The following CNTNAP3B variants were observed in gnomAD, a reference collection of about 807,000 sequenced individuals.
CNTNAP3B encodes the protein contactin-associated protein-like 3B.
CNTNAP3B carries 25 observed loss-of-function variants against 108.9 expected under a neutral mutation model. The ratio of observed to expected loss-of-function variants is 0.23; its 90% CI spans 0.17 to 0.32. The LOEUF is 0.32. Among genes scored for constraint, CNTNAP3B ranks in the 10% least tolerant of loss-of-function variants. The pLI is 1.00. For missense variants in CNTNAP3B, 252 were observed against 1,210.4 expected, an observed-to-expected ratio of 0.21 and a Z score of 11.75; for synonymous variants, 103 against 473.4, an observed-to-expected ratio of 0.22 and a Z score of 10.16.
At position 42,095,712 on chromosome 9, in the gene CNTNAP3B, G is replaced by A. The variant is rs551651353; in HGVS notation, c.196+8917C>T. 5.7e-4 allele frequency among the ~76,000 whole-genome samples: 80 copies of A among 139,238 alleles called. 13 individuals are homozygous for A. The highest frequency in any genetic ancestry group is 3.5e-3 in the Middle Eastern group (1 of 288). 91.3% of individuals were successfully genotyped at this position (139,238 alleles called of 152,430 possible). ...GGAAGTAGTCACAACAGGTGTCTCCGTCCAGTTAAGGGATAAGCCTGTCAG... is the reference window on the plus strand; with the variant it reads ...GGAAGTAGTCACAACAGGTGTCTCCATCCAGTTAAGGGATAAGCCTGTCAG... On this transcript the variant is annotated intron_variant, in intron 2 of 23. Transcript: ENST00000377561.
chr9:42,037,126 A>G (rs1257619107), intron 3 of CNTNAP3B, among the ~76,000 whole-genome samples: 1 of 147,744 alleles, frequency 6.8e-6, no homozygotes. Flanking sequence ...GAAAATTCTA[A>G]AAATCAGAGC....
chr9:41,952,464 G>C (rs1290996784), intron 13 of CNTNAP3B, among the ~76,000 whole-genome samples: 2 of 152,236 alleles, frequency 1.3e-5, no homozygotes, highest in African/African-American at 4.8e-5. Flanking sequence ...GCAATAAAGT[G>C]CTTTCAAGAA....
chr9:41,969,407 CAT>C, intron 10 of CNTNAP3B, among the ~76,000 whole-genome samples: 3 of 147,596 alleles, frequency 2.0e-5, no homozygotes, highest in African/African-American at 5.1e-5. Flanking sequence ...CTCTGCAGAA[CAT>C]GTGGGGTTGG....
intron 13 of CNTNAP3B, among the ~76,000 whole-genome samples, chr9:41,942,555 C>A (rs60378131): frequency 6.7e-6 from 1 of 148,174 alleles, no homozygotes; most frequent in East Asian, 2.0e-4. Flanking sequence ...AGCTTGCAGT[C>A]AGCTGAGATG....
At chr9:42,041,782 T>G (rs1236424206) in intron 3 of CNTNAP3B, among the ~76,000 whole-genome samples, 1 of 139,192 alleles carries the variant, frequency 7.2e-6, no homozygotes, top group East Asian at 2.2e-4. Context: ...TAAAGACACA[T>G]GCACGTGTGT....
At chr9:42,058,400 A>G (rs1346410604) in intron 3 of CNTNAP3B, among the ~76,000 whole-genome samples, 1 of 148,320 alleles carries the variant, frequency 6.7e-6, no homozygotes, top group African/African-American at 2.5e-5. Flanking sequence ...TTTTGATAAT[A>G]ACCATTCTAA....
In CNTNAP3B at chr9:42,019,716, G is replaced by C. The variant is rs1459903197; in HGVS notation, c.391-6191C>G. Among the ~76,000 whole-genome samples, 17 of 147,640 alleles carry C rather than the reference G, an allele frequency of 1.2e-4. 1 individual carries two copies. The highest frequency in any genetic ancestry group is 4.4e-4 in the African/African-American group (17 of 38,816). On this transcript the variant is annotated intron_variant, in intron 3 of 23. Coordinates refer to ENST00000377561, the MANE Select transcript of CNTNAP3B (RefSeq NM_001201380.3). ...GTGGAGGTTGCAGTGAGCCAAGATT[G>C]CACCACTGCACTCCAGCCTTGGTGA...
chr9:42,103,418 T>TAA (rs1156658774), intron 2 of CNTNAP3B, among the ~76,000 whole-genome samples: 8,910 of 47,058 alleles, frequency 0.19, 696 homozygotes, highest in African/African-American at 0.23. Context: ...AACAGGGAGT[T>TAA]AAAAAAAAAA....
rs1825885396 is a variant in CNTNAP3B, at chr9:41,995,755, G to T, written c.1071+450C>A. On this transcript the variant is annotated intron_variant, in intron 7 of 23. Coordinates refer to ENST00000377561, the MANE Select transcript of CNTNAP3B (RefSeq NM_001201380.3). ...CAAAAAAAAAAAAAAAAAAAAATTG[G>T]CCAGGCCCGGTGGCTCACACCTGTA... Among the ~76,000 whole-genome samples the T allele has an allele frequency of 1.5e-5, 2 of 129,834 alleles. 1 individual carries two copies. The highest frequency in any genetic ancestry group is 3.2e-5 in the Non-Finnish European group (2 of 61,932). The allele number at this position is 129,834 out of a possible 152,430, so 85.2% of individuals were successfully genotyped here. A position where few individuals can be genotyped will look rare whatever the true frequency, so the allele number is the denominator to read the frequency against.
rs1429811652 is a variant in CNTNAP3B, at chr9:41,933,713, T to A, written c.2238-4269A>T. Among the ~76,000 whole-genome samples the A allele has an allele frequency of 1.2e-4, 18 of 152,386 alleles. No homozygotes were observed. The South Asian group carries it at 3.3e-3, about 28-fold the overall frequency. ...GTAGGCAATCATATTATCTACAATA[T>A]CTGCCAGGTTTGTTTCTTTTCCAAA... On this transcript the variant is annotated intron_variant, in intron 14 of 23. Transcript: ENST00000377561.
chr9:42,053,886 A>G (rs1472977807), intron 3 of CNTNAP3B, among the ~76,000 whole-genome samples: 1 of 146,882 alleles, frequency 6.8e-6, no homozygotes, highest in Non-Finnish European at 1.5e-5. Context: ...CTTTCTTCAC[A>G]AGGTTTACCC....
rs1825445446 is a variant in CNTNAP3B at position 41,972,831 on chromosome 9, T to A, written c.1478-2586A>T. 1.5e-5 allele frequency among the ~76,000 whole-genome samples: 2 copies of A among 137,870 alleles called. 1 individual carries two copies. Among genetic ancestry groups the A allele is most frequent in the Non-Finnish European group, 3.1e-5 (2 of 64,568 alleles). The allele number at this position is 137,870 out of a possible 152,430, so 90.4% of individuals were successfully genotyped here. On this transcript the variant is annotated intron_variant, in intron 9 of 23. Coordinates refer to ENST00000377561, the MANE Select transcript of CNTNAP3B (RefSeq NM_001201380.3). ...TAAACACATTAAGAATTAAGAGGAT[T>A]ATTAATTCAATAAATATTTTCCAGT...
chr9:41,921,371 G>A (rs1434994384), intron 17 of CNTNAP3B, among the ~76,000 whole-genome samples: 678 of 150,184 alleles, frequency 4.5e-3, no homozygotes, highest in Middle Eastern at 6.8e-3. Context: ...AGCTAACCAC[G>A]CCTGAAGCTA....
chr9:42,125,731 C>T (rs1484579184), intron 1 of CNTNAP3B, among the ~76,000 whole-genome samples: 1 of 126,648 alleles, frequency 7.9e-6, no homozygotes, highest in Non-Finnish European at 1.6e-5. Flanking sequence ...AGTGCAGTGG[C>T]ACGATCTCAG....
chr9:41,962,783 G>A (rs1194628321), intron 11 of CNTNAP3B, among the ~76,000 whole-genome samples: 22 of 152,214 alleles, frequency 1.4e-4, no homozygotes, highest in Admixed American at 3.9e-4. Context: ...GCAAAACCCC[G>A]TCTCTACTAA....
At chr9:41,996,101 C>A (rs1236533538) in intron 7 of CNTNAP3B, 104 bp downstream of exon 7, 1 of 511,054 alleles carries the variant, frequency 2.0e-6, no homozygotes, top group Admixed American at 3.7e-5. Flanking sequence ...AAAGTAAGAA[C>A]TGATTCTTAA....
Position 42,096,298 on chromosome 9 carries a change from C to A in CNTNAP3B, c.196+8331G>T, listed in dbSNP as rs1447923314. 2.9e-5 allele frequency among the ~76,000 whole-genome samples: 4 copies of A among 139,568 alleles called. 1 individual carries two copies. Among genetic ancestry groups the A allele is most frequent in the Admixed American group, 7.1e-5 (1 of 14,090 alleles). The allele number at this position is 139,568 out of a possible 152,430, so 91.6% of individuals were successfully genotyped here. A position where few individuals can be genotyped will look rare whatever the true frequency, so the allele number is the denominator to read the frequency against. On this transcript the variant is annotated intron_variant, in intron 2 of 23. Transcript: ENST00000377561. ...TGAGAGCAGAGCTTCAGGGCAGTCC[C>A]CACCTCTCTATGCATACTATCGTGC...
intron 12 of CNTNAP3B, among the ~76,000 whole-genome samples, chr9:41,957,437 CT>C (rs1294579526): frequency 1.1e-5 from 1 of 90,890 alleles, no homozygotes; most frequent in East Asian, 2.6e-4. Context: ...GGGGTTCAGT[CT>C]TTTTTTCTCT....
At chr9:41,941,994 A>G (rs1426340055) in intron 13 of CNTNAP3B, among the ~76,000 whole-genome samples, 2 of 152,300 alleles carry the variant, frequency 1.3e-5, no homozygotes, top group African/African-American at 2.4e-5. Context: ...CTCCTTAACA[A>G]CATTCTAATC....
Sources: allele counts gnomAD v4.1 joint callset (sites outside exome capture counted in the v4.1 genomes callset), GRCh38; gene constraint gnomAD v4.1.1; transcripts MANE v1.5; gene names NCBI Gene and HGNC (gene_info 2026-07-23, HGNC 2026-07-21).